ADPRS: variants seen among roughly 807,000 people sequenced by gnomAD.
The protein encoded by ADPRS is ADP-ribosylserine hydrolase, also known as ADP-ribosylhydrolase ARH3.
In ADPRS, 25 loss-of-function variants were observed where a neutral mutation model predicts 32.1. That is an observed-to-expected ratio of 0.78 (90% CI 0.57 to 1.09). The LOEUF (loss-of-function observed/expected upper bound fraction) is 1.09. ADPRS is among the 50% of genes least tolerant of loss of function. The pLI is 0.00. For synonymous variants in ADPRS, 225 were observed against 201.0 expected, an observed-to-expected ratio of 1.12 and a Z score of -1.01; for missense variants, 482 against 480.6, an observed-to-expected ratio of 1.00 and a Z score of -0.03.
intron 1 of ADPRS, among the ~76,000 whole-genome samples, chr1:36,089,544 A>G (rs572713904): frequency 1.1e-3 from 162 of 152,152 alleles, no homozygotes; most frequent in Admixed American, 2.6e-3. Context: ...CTGTCTGTCC[A>G]CCCTTGCCGA....
chr1:36,091,184 A>G lies in ADPRS; in HGVS notation c.212-60A>G. On this transcript the variant is annotated intron_variant, in intron 1 of 5. Transcript: ENST00000373178. The stretch of plus-strand genomic sequence containing the variant: ...ACTCTGTCTCCAAAAAAAGCAAAAA[A>G]CAACAACAAAAAAAACAAAGGTGAG... 4.7e-6 allele frequency: 7 copies of G among 1,484,034 alleles called. No homozygotes were observed. In the Admixed American group the frequency reaches 1.2e-4, roughly 26 times the overall value. The allele number at this position is 1,484,034 out of a possible 1,614,324, so 91.9% of individuals were successfully genotyped here. A position where few individuals can be genotyped will look rare whatever the true frequency, so the allele number is the denominator to read the frequency against.
chr1:36,090,679 CAAAA>C lies in ADPRS; in HGVS notation c.212-542_212-539del, dbSNP rs10625386. ...GCAACAGGATGAAACTCCATCTCTA[CAAAA>C]AAAAAAAAAAAAAAAAAAAAAAGCC... On this transcript the variant is annotated intron_variant, in intron 1 of 5. Transcript: ENST00000373178. 5.2e-4 allele frequency among the ~76,000 whole-genome samples: 34 copies of C among 65,358 alleles called. No individual in the cohort carries two copies. The South Asian group carries it at 0.014, about 27-fold the overall frequency. The allele number at this position is 65,358 out of a possible 152,430, so 42.9% of individuals were successfully genotyped here.
rs770083637 is a variant in ADPRS, at chr1:36,089,100, G to A, written c.196G>A (p.Gly66Arg). Residue 66 changes from glycine (G) to arginine (R), a missense_variant, in exon 1 of 6, where the codon GGG (glycine) becomes AGG (arginine). By Grantham distance (125) the Gly-to-Arg change is moderately radical. Coordinates refer to ENST00000373178, the MANE Select transcript of ADPRS (RefSeq NM_017825.3). ...QSLEPDPGTP[G>R]SERTEALYYT... ...TCTGGAGCCGGACCCCGGCACGCCC[G>A]GGAGTGAGCGGACAGGTGGGCGGGG... The A allele has an allele frequency of 2.1e-6, 3 of 1,424,258 alleles. No individual in the cohort carries two copies. In the East Asian group the frequency reaches 8.6e-5, roughly 41 times the overall value. 88.2% of individuals were successfully genotyped at this position (1,424,258 alleles called of 1,614,324 possible). A position where few individuals can be genotyped will look rare whatever the true frequency, so the allele number is the denominator to read the frequency against.
intron 2 of ADPRS, 138 bp downstream of exon 2, chr1:36,091,478 G>A: frequency 8.3e-7 from 1 of 1,210,868 alleles, no homozygotes; most frequent in Non-Finnish European, 1.2e-6. Flanking sequence ...AGCTTCCCAA[G>A]CTAAAACAGC....
rs1473837713 is a variant in ADPRS, at chr1:36,093,197, C to G, written c.903C>G (p.Leu301=). The change falls in exon 6 of 6, where the codon CTC becomes CTG. Residue 301 remains leucine (L), a synonymous_variant. Transcript: ENST00000373178. Reference sequence around the variant, plus strand: ...AGATCCCTTCTGCCTTCAATAGCCTCCAAAGGACTCTCATTTATTCCATCT... The same window carrying G: ...AGATCCCTTCTGCCTTCAATAGCCTGCAAAGGACTCTCATTTATTCCATCT... The part of the protein sequence containing the change: ...DPEIPSAFNS[L]QRTLIYSISL... The G allele has an allele frequency of 1.2e-6, 2 of 1,614,232 alleles. No individual in the cohort carries two copies. Among genetic ancestry groups the G allele is most frequent in the South Asian group, 2.2e-5 (2 of 91,092 alleles).
intron 4 of ADPRS, 135 bp downstream of exon 4, chr1:36,092,229 A>G (rs1011249947): frequency 1.6e-5 from 21 of 1,307,108 alleles, no homozygotes; most frequent in South Asian, 3.0e-5. Flanking sequence ...TATCTTGTCT[A>G]TGTTTCAAGG....
In ADPRS at chr1:36,093,393, C is replaced by T. The variant is rs1643513548; in HGVS notation, c.*7C>T. 1.2e-6 allele frequency: 2 copies of T among 1,607,036 alleles called. No individual in the cohort carries two copies. The highest frequency in any genetic ancestry group is 2.7e-5 in the African/African-American group (2 of 74,938). On this transcript the variant is annotated 3_prime_UTR_variant, in exon 6 of 6. Coordinates refer to ENST00000373178, the MANE Select transcript of ADPRS (RefSeq NM_017825.3). ...TGTCTTCCAGAAGAGTTGATGAGGG[C>T]TACAGCTGTTGGGGCTCTGCCAGGT...
intron 4 of ADPRS, 150 bp from the exon 5 acceptor site, chr1:36,092,272 T>C: frequency 8.9e-7 from 1 of 1,121,320 alleles, no homozygotes; most frequent in Admixed American, 2.7e-5. Flanking sequence ...AACGACCTGC[T>C]CACCCCAGCC....
chr1:36,090,799 A>G (rs915544195), intron 1 of ADPRS, among the ~76,000 whole-genome samples: 2 of 151,552 alleles, frequency 1.3e-5, no homozygotes, highest in Non-Finnish European at 2.9e-5. Flanking sequence ...GGAGTGAGCC[A>G]TGGTCGTACC....
At chr1:36,091,883 T>C (rs763571442) in intron 3 of ADPRS, 27 bp from the exon 4 acceptor site, 1 of 1,591,000 alleles carries the variant, frequency 6.3e-7, no homozygotes, top group Admixed American at 1.7e-5. Context: ...GCAGGGCTTC[T>C]GTGACAGCAG....
At chr1:36,090,858 AATAAT>A (rs934624365) in intron 1 of ADPRS, among the ~76,000 whole-genome samples, 4 of 151,956 alleles carry the variant, frequency 2.6e-5, no homozygotes, top group African/African-American at 9.7e-5. Flanking sequence ...CCAAAAAAAT[AATAAT>A]ATAAACTAAA....
chr1:36,092,528 T>C lies in ADPRS; in HGVS notation c.802+6T>C, dbSNP rs1359651017. 3.7e-6 allele frequency: 6 copies of C among 1,613,360 alleles called. No homozygotes were observed. The highest frequency in any genetic ancestry group is 3.3e-5 in the Admixed American group (2 of 60,004). ...GGAAGTGGTGTCTGAGCTAGGTGAG[T>C]GGGTCTGCCTGGGATTGTCTCTCCC... is the stretch of plus-strand genomic sequence containing the variant. On this transcript the variant is annotated splice_donor_region_variant and intron_variant, in intron 5 of 5. Coordinates refer to ENST00000373178, the MANE Select transcript of ADPRS (RefSeq NM_017825.3).
In ADPRS at chr1:36,089,045, C is replaced by T; in HGVS notation, c.141C>T (p.Asp47=). 6.8e-7 allele frequency: 1 copy of T among 1,474,912 alleles called. No individual in the cohort carries two copies. Among genetic ancestry groups the T allele is most frequent in the Non-Finnish European group, 8.9e-7 (1 of 1,117,454 alleles). The allele number at this position is 1,474,912 out of a possible 1,614,324, so 91.4% of individuals were successfully genotyped here. A position where few individuals can be genotyped will look rare whatever the true frequency, so the allele number is the denominator to read the frequency against. ...TCTACGAGGCCCACGACACCGTCGA[C>T]CTGACGTCAGTCCTGCGTCATGTCC... is the stretch of plus-strand genomic sequence containing the variant. ...GSFYEAHDTV[D]LTSVLRHVQS... is the part of the protein sequence containing the mutation. Residue 47 remains aspartate, a synonymous_variant, in exon 1 of 6, where the codon GAC becomes GAT. Coordinates refer to ENST00000373178, the MANE Select transcript of ADPRS (RefSeq NM_017825.3).
At chr1:36,089,227 C>T (rs1643444311) in intron 1 of ADPRS, 112 bp downstream of exon 1, 1 of 1,237,868 alleles carries the variant, frequency 8.1e-7, no homozygotes, top group African/African-American at 1.6e-5. Context: ...GCCGAGGGCA[C>T]CGGGGCCAGA....
At position 36,088,948 on chromosome 1, in the gene ADPRS, G is replaced by C; in HGVS notation, c.44G>C (p.Gly15Ala). 5.3e-6 allele frequency: 8 copies of C among 1,517,248 alleles called. No homozygotes were observed. The highest frequency in any genetic ancestry group is 7.0e-6 in the Non-Finnish European group (8 of 1,137,868). The allele number at this position is 1,517,248 out of a possible 1,614,324, so 94.0% of individuals were successfully genotyped here. The change falls in exon 1 of 6, where the codon GGC becomes GCC. Residue 15 changes from glycine (G) to alanine (A), a missense_variant. Coordinates refer to ENST00000373178, the MANE Select transcript of ADPRS (RefSeq NM_017825.3). ...GCGGCAGCGGCAGGTGGAGGGGCTG[G>C]CGCGGCCCGCTCCCTCTCGCGCTTC... ...AMAAAAGGGA[G>A]AARSLSRFRG... is the part of the protein sequence containing the mutation.
chr1:36,091,579 C>G, intron 2 of ADPRS, 39 bp from the exon 3 acceptor site: 1 of 1,537,292 alleles, frequency 6.5e-7, no homozygotes. Flanking sequence ...TTAGAGGCAT[C>G]TTGTAAATCT....
chr1:36,091,470 C>A, intron 2 of ADPRS, 130 bp downstream of exon 2: 1 of 1,213,974 alleles, frequency 8.2e-7, no homozygotes, highest in Non-Finnish European at 1.2e-6. Context: ...GCTGGCACAG[C>A]TTCCCAAGCT....
rs1044762077 is a variant in ADPRS, at chr1:36,093,462, C to G, written c.*76C>G. ...GCTCCAATCAGAAACCCTGCGCTTCCTTGAGTGTGGCTTCCCACTTTTCCT... is the reference window on the plus strand; with the variant it reads ...GCTCCAATCAGAAACCCTGCGCTTCGTTGAGTGTGGCTTCCCACTTTTCCT... On this transcript the variant is annotated 3_prime_UTR_variant, in exon 6 of 6. Transcript: ENST00000373178. 2.0e-6 allele frequency: 3 copies of G among 1,531,530 alleles called. No homozygotes were observed. In the African/African-American group the frequency reaches 4.1e-5, roughly 21 times the overall value. 94.9% of individuals were successfully genotyped at this position (1,531,530 alleles called of 1,614,324 possible). A position where few individuals can be genotyped will look rare whatever the true frequency, so the allele number is the denominator to read the frequency against.
At chr1:36,092,213 C>A in intron 4 of ADPRS, 119 bp downstream of exon 4, 2 of 1,366,002 alleles carry the variant, frequency 1.5e-6, no homozygotes, top group South Asian at 1.5e-5. Context: ...TGGGCAGAAG[C>A]CCCTTTATCT....
Sources: allele counts gnomAD v4.1 joint callset (sites outside exome capture counted in the v4.1 genomes callset), GRCh38; gene constraint gnomAD v4.1.1; transcripts MANE v1.5; gene names NCBI Gene and HGNC (gene_info 2026-07-23, HGNC 2026-07-21).